Variants in RAB11FIP3 observed in about 807,000 individuals in gnomAD.
RAB11FIP3 encodes the protein rab11 family-interacting protein 3.
Under a neutral mutation model 77.8 loss-of-function variants are expected in RAB11FIP3, and 17 were observed. The ratio of observed to expected loss-of-function variants is 0.22; its 90% CI spans 0.15 to 0.33. RAB11FIP3 has a LOEUF of 0.33. Ranked by LOEUF, RAB11FIP3 falls within the 10% of genes least tolerant of loss-of-function variation. RAB11FIP3 has a pLI of 1.00. For missense variants in RAB11FIP3, 1,005 were observed against 1,011.2 expected, an observed-to-expected ratio of 0.99 and a Z score of 0.08; for synonymous variants, 437 against 448.2, an observed-to-expected ratio of 0.98 and a Z score of 0.31.
intron 3 of RAB11FIP3, among the ~76,000 whole-genome samples, chr16:473,217 G>A (rs1298472134): frequency 6.6e-6 from 1 of 152,228 alleles, no homozygotes; most frequent in Non-Finnish European, 1.5e-5. Context: ...GTGGTCTGAA[G>A]GGTGTGGCCG....
intron 2 of RAB11FIP3, among the ~76,000 whole-genome samples, chr16:465,363 G>C (rs1429586613): frequency 2.0e-5 from 3 of 152,100 alleles, no homozygotes; most frequent in African/African-American, 7.2e-5. Context: ...ACAAGAAGTG[G>C]AATAAGACAG....
chr16:488,964 A>C lies in RAB11FIP3; in HGVS notation c.1229A>C (p.Gln410Pro), dbSNP rs779956841. ...TCCCCAGAGACCCTATGCAACGGGC[A>C]GCTGGGCTGCAGTGACCCCGCTTTC... is the stretch of plus-strand genomic sequence containing the variant. ...ELSPETLCNG[Q>P]LGCSDPAFLT... The change falls in exon 5 of 14, where the codon CAG (glutamine) becomes CCG (proline). Residue 410 changes from glutamine to proline, a missense_variant. Gln to Pro is a moderately conservative substitution (Grantham distance 76, BLOSUM62 -1). Transcript: ENST00000262305. 4.3e-5 allele frequency: 70 copies of C among 1,613,930 alleles called. No individual in the cohort carries two copies. The highest frequency in any genetic ancestry group is 5.5e-5 in the Non-Finnish European group (65 of 1,180,008).
intron 3 of RAB11FIP3, among the ~76,000 whole-genome samples, chr16:479,719 T>C (rs189752426): frequency 1.4e-4 from 21 of 152,182 alleles, no homozygotes; most frequent in Admixed American, 2.6e-4. Flanking sequence ...GCACAGGAGT[T>C]CAAGACAGCC....
chr16:497,487 C>G (rs1176479977), intron 6 of RAB11FIP3: 2 of 1,194,468 alleles, frequency 1.7e-6, no homozygotes, highest in Middle Eastern at 5.7e-4. Context: ...CCTTCCTAGT[C>G]CCCGTCCTGC....
intron 9 of RAB11FIP3, 34 bp downstream of exon 9, chr16:510,834 AC>A (rs754690735): frequency 3.1e-6 from 5 of 1,607,400 alleles, no homozygotes; most frequent in Non-Finnish European, 3.4e-6. Flanking sequence ...CCACCCCAGA[AC>A]CTGCAGGCCA....
intron 2 of RAB11FIP3, among the ~76,000 whole-genome samples, chr16:468,570 T>C (rs944040808): frequency 5.1e-4 from 77 of 152,202 alleles, no homozygotes; most frequent in African/African-American, 1.9e-3. Flanking sequence ...CAGCAGCCTG[T>C]GTTGTCTGTC....
Position 433,451 on chromosome 16 carries a change from G to A in RAB11FIP3, c.714+6731G>A, listed in dbSNP as rs541944021. ...CTAGCTCCCACATAAGAGTAAAAAC[G>A]TGATATTTGTCTTTCTCTGCCTGTC... On this transcript the variant is annotated intron_variant, in intron 1 of 13. Transcript: ENST00000262305. 1.4e-4 allele frequency among the ~76,000 whole-genome samples: 22 copies of A among 151,820 alleles called. No homozygotes were observed. In the East Asian group the frequency reaches 3.7e-3, roughly 26 times the overall value.
intron 1 of RAB11FIP3, chr16:439,279 G>A (rs763753188): frequency 5.9e-5 from 9 of 152,196 alleles, no homozygotes; most frequent in African/African-American, 1.7e-4. Context: ...GTATCTGTCC[G>A]TCTGTCTTTC....
Position 471,393 on chromosome 16 carries a change from A to G in RAB11FIP3, c.903+4A>G. 1 of 1,604,308 alleles carries G rather than the reference A, an allele frequency of 6.2e-7. No individual in the cohort carries two copies. The highest frequency in any genetic ancestry group is 8.5e-7 in the Non-Finnish European group (1 of 1,173,016). ...CGATGACTTCGTCACCTATGAGGCA[A>G]GTGGTTTTCACCCAGGAGCTTGGGG... is the stretch of plus-strand genomic sequence containing the variant. On this transcript the variant is annotated splice_donor_region_variant and intron_variant, in intron 3 of 13. Transcript: ENST00000262305. The surrounding 1 kb of genome is among the most constrained non-coding windows in gnomAD (Gnocchi z 4.4).
In RAB11FIP3 at chr16:519,098, C is replaced by T. The variant is rs989751616; in HGVS notation, c.1722+74C>T. On this transcript the variant is annotated intron_variant, in intron 10 of 13. Transcript: ENST00000262305. The stretch of plus-strand genomic sequence containing the variant: ...CCTGCCTGTGGGGCAGCTGAGGTAG[C>T]CCTGAGCTCTGTGCTGAGCGGGATA... 4.2e-5 allele frequency: 62 copies of T among 1,465,796 alleles called. No individual in the cohort carries two copies. The African/African-American group carries it at 7.5e-4, about 18-fold the overall frequency. The allele number at this position is 1,465,796 out of a possible 1,614,324, so 90.8% of individuals were successfully genotyped here. A position where few individuals can be genotyped will look rare whatever the true frequency, so the allele number is the denominator to read the frequency against.
chr16:442,599 G>A (rs1049935215), intron 1 of RAB11FIP3, among the ~76,000 whole-genome samples: 1 of 152,152 alleles, frequency 6.6e-6, no homozygotes, highest in Non-Finnish European at 1.5e-5. Flanking sequence ...TCAGGCAGGG[G>A]TGAATTGTCT....
At chr16:490,734 G>T (rs1483175633) in intron 5 of RAB11FIP3, among the ~76,000 whole-genome samples, 1 of 152,236 alleles carries the variant, frequency 6.6e-6, no homozygotes, top group African/African-American at 2.4e-5. Flanking sequence ...GTAAGTACAA[G>T]TTTACCCGGA....
chr16:520,875 T>G lies in RAB11FIP3; in HGVS notation c.*36T>G. The G allele has an allele frequency of 6.4e-7, 1 of 1,552,204 alleles. No homozygotes were observed. The highest frequency in any genetic ancestry group is 8.9e-7 in the Non-Finnish European group (1 of 1,124,752). On this transcript the variant is annotated 3_prime_UTR_variant, in exon 14 of 14. Transcript: ENST00000262305. ...GTCCAGCCTGAGCTGGATTCGGGAC[T>G]CCAACACCCTGGAGTGGTTCCGTCA...
Position 482,731 on chromosome 16 carries a change from A to G in RAB11FIP3, c.1110A>G (p.Pro370=), listed in dbSNP as rs747146793. 1.6e-5 allele frequency: 25 copies of G among 1,601,276 alleles called. No homozygotes were observed. The highest frequency in any genetic ancestry group is 5.4e-5 in the African/African-American group (4 of 74,626). Residue 370 remains proline, a synonymous_variant, in exon 4 of 14, where the codon CCA becomes CCG. Coordinates refer to ENST00000262305, the MANE Select transcript of RAB11FIP3 (RefSeq NM_014700.4). ...ACCATGGTGCCCTGCTGCTGCTCCC[A>G]GGCAGGTCTGTACCCCGCCACGGGC... is the stretch of plus-strand genomic sequence containing the variant. ...EPDHGALLLL[P]GRPHPHGQSV...
chr16:495,931 G>T (rs562828485), intron 5 of RAB11FIP3, among the ~76,000 whole-genome samples: 2 of 152,024 alleles, frequency 1.3e-5, no homozygotes, highest in Non-Finnish European at 2.9e-5. Context: ...TGAATTTTTA[G>T]TAGAGACAGG....
intron 6 of RAB11FIP3, among the ~76,000 whole-genome samples, chr16:498,020 G>A (rs1180047216): frequency 6.6e-6 from 1 of 150,660 alleles, no homozygotes; most frequent in East Asian, 1.9e-4. Context: ...TGCCCAGGCT[G>A]TAGTGCAGTG....
chr16:435,604 G>A (rs2055115051), intron 1 of RAB11FIP3, among the ~76,000 whole-genome samples: 1 of 152,174 alleles, frequency 6.6e-6, no homozygotes, highest in South Asian at 2.1e-4. Flanking sequence ...AGATATGAGT[G>A]TGTAGGAGAG....
chr16:515,725 C>T (rs1455692298), intron 9 of RAB11FIP3, among the ~76,000 whole-genome samples: 3 of 151,208 alleles, frequency 2.0e-5, no homozygotes, highest in African/African-American at 7.3e-5. Context: ...AGCAGCCACA[C>T]GGCCGACACG....
chr16:502,983 G>T, intron 6 of RAB11FIP3, 21 bp from the exon 7 acceptor site: 1 of 1,570,078 alleles, frequency 6.4e-7, no homozygotes, highest in South Asian at 1.1e-5. Flanking sequence ...TCTTCCCTCT[G>T]TTGTTGTGCC....
Sources: allele counts gnomAD v4.1 joint callset (sites outside exome capture counted in the v4.1 genomes callset), GRCh38; gene constraint gnomAD v4.1.1; non-coding constraint Gnocchi (gnomAD v3.1); transcripts MANE v1.5; gene names NCBI Gene and HGNC (gene_info 2026-07-23, HGNC 2026-07-21).